PNPT1: variants seen among roughly 807,000 people sequenced by gnomAD.
The protein encoded by PNPT1 is polyribonucleotide nucleotidyltransferase 1, also known as polyribonucleotide nucleotidyltransferase 1, mitochondrial.
Under a neutral mutation model 119.5 loss-of-function variants are expected in PNPT1, and 53 were observed. The ratio of observed to expected loss-of-function variants is 0.44; its 90% CI spans 0.36 to 0.56. The LOEUF is 0.56. Ranked by LOEUF, PNPT1 falls within the 20% of genes least tolerant of loss-of-function variation. The probability of loss-of-function intolerance (pLI) is 0.00; values close to 1 mark genes in which losing one functional copy is unlikely to be tolerated. For missense variants in PNPT1, 948 were observed against 938.5 expected (o/e 1.01, Z -0.13); for synonymous variants, 357 against 322.1 (o/e 1.11, Z -1.16).
chr2:55,651,125 G>A lies in PNPT1; in HGVS notation c.1496-3672C>T, dbSNP rs1389823613. Among the ~76,000 whole-genome samples, 32 of 146,032 alleles carry A rather than the reference G, an allele frequency of 2.2e-4. No homozygotes were observed. In the East Asian group the frequency reaches 3.2e-3, roughly 15 times the overall value. On this transcript the variant is annotated intron_variant, in intron 18 of 27. Coordinates refer to ENST00000447944, the MANE Select transcript of PNPT1 (RefSeq NM_033109.5). ...CCGCCCCGTCCGGGAGGTGAGGGGC[G>A]CCTCTGCCCGGCCGCCCCTACTGGG... is the stretch of plus-strand genomic sequence containing the variant.
intron 15 of PNPT1, 66 bp from the exon 16 acceptor site, chr2:55,656,437 C>T (rs1696391126): frequency 2.0e-5 from 28 of 1,394,718 alleles, no homozygotes; most frequent in Non-Finnish European, 2.6e-5. Context: ...AGTTATATTA[C>T]CAAAATAATA....
rs757214409 is a variant in PNPT1 at position 55,661,442 on chromosome 2, ATTC to A, written c.1247+511_1247+513del. On this transcript the variant is annotated intron_variant, in intron 14 of 27. Coordinates refer to ENST00000447944, the MANE Select transcript of PNPT1 (RefSeq NM_033109.5). Reference sequence around the variant, plus strand: ...AGAATTGATTTGGCCTGCAATAAAGATTCTTATCATCGGAATTGATTAGCATGA... The same window carrying A: ...AGAATTGATTTGGCCTGCAATAAAGATTATCATCGGAATTGATTAGCATGA... Among the ~76,000 whole-genome samples, 173 of 152,162 alleles carry A rather than the reference ATTC, an allele frequency of 1.1e-3. 2 individuals are homozygous for A. In the Middle Eastern group the frequency reaches 0.024, roughly 21 times the overall value.
At chr2:55,664,417 T>A (rs1696671494) in intron 13 of PNPT1, among the ~76,000 whole-genome samples, 1 of 152,128 alleles carries the variant, frequency 6.6e-6, no homozygotes, top group Non-Finnish European at 1.5e-5. Context: ...GCCTGGGCAA[T>A]ATGGCGAAAC....
intron 18 of PNPT1, among the ~76,000 whole-genome samples, chr2:55,653,740 G>T (rs1332164461): frequency 6.6e-6 from 1 of 152,202 alleles, no homozygotes; most frequent in African/African-American, 2.4e-5. Context: ...GCTTTGGCCT[G>T]TTTTTAGTTT....
chr2:55,685,517 C>T (rs1327491047), intron 3 of PNPT1, among the ~76,000 whole-genome samples: 1 of 150,992 alleles, frequency 6.6e-6, no homozygotes, highest in Non-Finnish European at 1.5e-5. Flanking sequence ...GGTGACAGAG[C>T]AAGACCCTGT....
chr2:55,682,634 G>A (rs1323437088), intron 5 of PNPT1, among the ~76,000 whole-genome samples: 1 of 152,154 alleles, frequency 6.6e-6, no homozygotes, highest in African/African-American at 2.4e-5. Flanking sequence ...GTGACCGGGT[G>A]TGGTGGCTCA....
At chr2:55,653,032 G>C (rs1696261351) in intron 18 of PNPT1, among the ~76,000 whole-genome samples, 1 of 152,154 alleles carries the variant, frequency 6.6e-6, no homozygotes, top group Admixed American at 6.6e-5. Context: ...ATTTTTAGTA[G>C]AGACGGGGTT....
chr2:55,656,990 G>A (rs1285449355), intron 15 of PNPT1, among the ~76,000 whole-genome samples: 1 of 152,172 alleles, frequency 6.6e-6, no homozygotes, highest in Non-Finnish European at 1.5e-5. Context: ...GAAGGAATAT[G>A]AATTAGTTGT....
chr2:55,691,878 A>ATATATTTTTTTTTTTT (rs1326804958), intron 1 of PNPT1, among the ~76,000 whole-genome samples: 1 of 33,126 alleles, frequency 3.0e-5, no homozygotes, highest in Non-Finnish European at 5.9e-5. Flanking sequence ...ATATATATAT[A>ATATATTTTTTTTTTTT]TTTTTTTTTT....
chr2:55,667,170 A>G (rs1454607965), intron 12 of PNPT1, 77 bp from the exon 13 acceptor site: 1 of 1,084,450 alleles, frequency 9.2e-7, no homozygotes, highest in East Asian at 2.4e-5. Flanking sequence ...TCTCCCAGGA[A>G]GTTCTCAACC....
chr2:55,677,722 C>T (rs1025710178), intron 8 of PNPT1, among the ~76,000 whole-genome samples: 1 of 146,508 alleles, frequency 6.8e-6, no homozygotes, highest in Non-Finnish European at 1.5e-5. Context: ...AGGTTTACTT[C>T]TGTGTCTTTT....
chr2:55,639,977 T>C (rs1375301298), intron 26 of PNPT1, among the ~76,000 whole-genome samples: 1 of 152,196 alleles, frequency 6.6e-6, no homozygotes, highest in East Asian at 1.9e-4. Context: ...TGTACCAATA[T>C]AATTTATTAA....
intron 14 of PNPT1, 139 bp downstream of exon 14, chr2:55,661,817 C>G: frequency 1.3e-6 from 1 of 760,366 alleles, no homozygotes; most frequent in Non-Finnish European, 1.9e-6. Flanking sequence ...CCTTTGAAAT[C>G]ATGATGATGT....
chr2:55,647,386 C>A lies in PNPT1; in HGVS notation c.1563G>T (p.Lys521Asn). Residue 521 changes from lysine (K) to asparagine (N), a missense_variant, in exon 19 of 28, where the codon AAG (lysine) becomes AAT (asparagine). Physicochemically the swap from Lys to Asn is moderately conservative, Grantham distance 94. Coordinates refer to ENST00000447944, the MANE Select transcript of PNPT1 (RefSeq NM_033109.5). Reference sequence around the variant, plus strand: ...GCAAACGATAATCTTCTATTTCACCCTTCTCAGGATCGGTTTTGGTGACCA... The same window carrying A: ...GCAAACGATAATCTTCTATTTCACCATTCTCAGGATCGGTTTTGGTGACCA... ...IGLVTKTDPE[K>N]GEIEDYRLLT... is the part of the protein sequence containing the mutation. 6.2e-7 allele frequency: 1 copy of A among 1,610,004 alleles called. No homozygotes were observed.
chr2:55,691,865 TATATA>T (rs1559116607), intron 1 of PNPT1, among the ~76,000 whole-genome samples: 10 of 26,242 alleles, frequency 3.8e-4, no homozygotes, highest in South Asian at 2.5e-3. Flanking sequence ...TATATATATA[TATATA>T]TATATATATT....
chr2:55,645,488 A>C, intron 21 of PNPT1, 56 bp from the exon 22 acceptor site: 1 of 1,154,586 alleles, frequency 8.7e-7, no homozygotes, highest in Non-Finnish European at 1.3e-6. Context: ...GATCTGAAAT[A>C]CTGTACTCTT....
intron 1 of PNPT1, among the ~76,000 whole-genome samples, chr2:55,691,506 CAT>C (rs1257349447): frequency 6.6e-6 from 1 of 152,152 alleles, no homozygotes; most frequent in African/African-American, 2.4e-5. Context: ...TATTTCAACA[CAT>C]GACACGAGTT....
chr2:55,655,778 A>G (rs1476694774), intron 17 of PNPT1, among the ~76,000 whole-genome samples: 1 of 152,158 alleles, frequency 6.6e-6, no homozygotes, highest in Admixed American at 6.6e-5. Flanking sequence ...ATGTACACTT[A>G]TTATTCATGT....
chr2:55,648,633 T>C (rs1696078487), intron 18 of PNPT1, among the ~76,000 whole-genome samples: 1 of 152,346 alleles, frequency 6.6e-6, no homozygotes, highest in East Asian at 1.9e-4. Flanking sequence ...GAGAACTCCC[T>C]GTTCATGGCC....
Sources: gnomAD v4.1 joint callset for allele counts (sites outside exome capture counted in the v4.1 genomes callset) on GRCh38, gnomAD v4.1.1 for gene constraint, MANE v1.5 for transcripts, NCBI Gene and HGNC (gene_info 2026-07-23, HGNC 2026-07-21) for gene names.